Variants in BOD1L1 observed in about 807,000 individuals in gnomAD.
BOD1L1 encodes the protein biorientation of chromosomes in cell division protein 1-like 1.
Under a neutral mutation model 240.7 loss-of-function variants are expected in BOD1L1, and 86 were observed. The observed-to-expected ratio is 0.36, with a 90% CI of 0.30 to 0.43. BOD1L1 has a LOEUF of 0.43. Among genes scored for constraint, BOD1L1 ranks in the 20% least tolerant of loss-of-function variants. The probability of loss-of-function intolerance (pLI) is 1.00; values close to 1 mark genes in which losing one functional copy is unlikely to be tolerated. For missense variants in BOD1L1, 3,554 were observed against 3,643.5 expected (o/e 0.98, Z 0.63); for synonymous variants, 1,268 against 1,272.3 (o/e 1.00, Z 0.07).
At chr4:13,572,756 G>A (rs976703768) in intron 25 of BOD1L1, 2 of 1,289,786 alleles carry the variant, frequency 1.6e-6, no homozygotes, top group South Asian at 2.5e-5. Context: ...CTTCTCTTTT[G>A]CTAATTTTTG....
intron 14 of BOD1L1, 58 bp downstream of exon 14, chr4:13,590,328 C>A: frequency 1.1e-6 from 1 of 920,052 alleles, no homozygotes; most frequent in Non-Finnish European, 1.6e-6. Context: ...ATACAGACCA[C>A]ACTCAATAAA....
At chr4:13,598,858 C>T in intron 10 of BOD1L1, 88 bp downstream of exon 10, 2 of 1,339,122 alleles carry the variant, frequency 1.5e-6, no homozygotes, top group Non-Finnish European at 2.0e-6. Flanking sequence ...GGAACCAAAA[C>T]CATCTTTTGG....
intron 1 of BOD1L1, chr4:13,624,542 C>T (rs2109004195): frequency 1.3e-5 from 2 of 152,306 alleles, no homozygotes; most frequent in East Asian, 3.9e-4. Context: ...CCTCAGCCTC[C>T]CGAGTAGCTG....
At chr4:13,578,454 C>A (rs1429043348) in intron 22 of BOD1L1, among the ~76,000 whole-genome samples, 3 of 152,188 alleles carry the variant, frequency 2.0e-5, no homozygotes, top group Non-Finnish European at 4.4e-5. Context: ...GAATGCTCAA[C>A]TGGGAAATGC....
rs749072027 is a variant in BOD1L1, at chr4:13,600,885, C to T, written c.6015G>A (p.Gly2005=). 7 of 1,613,820 alleles carry T rather than the reference C, an allele frequency of 4.3e-6. No homozygotes were observed. The Admixed American group carries it at 1.0e-4, about 23-fold the overall frequency. The stretch of plus-strand genomic sequence containing the variant: ...CAGATACAAGAACATCGTAACTACC[C>T]CCGACCAGGCCAGTGGAAATAGTGG... ...EDTTISTGLV[G]GSYDVLVSGE... Residue 2005 remains glycine (G), a synonymous_variant, in exon 10 of 26, where the codon GGG becomes GGA. Transcript: ENST00000040738.
At chr4:13,595,276 G>A (rs76961710) in intron 12 of BOD1L1, among the ~76,000 whole-genome samples, 10,830 of 152,112 alleles carry the variant, frequency 0.071, 531 homozygotes, top group African/African-American at 0.14. Flanking sequence ...TGGGGTCTTC[G>A]GTAATTTTTC....
chr4:13,614,804 G>A lies in BOD1L1; in HGVS notation c.566C>T (p.Pro189Leu). Reference protein sequence around the residue: ...PDTSLITQGVPTPGPSANVAN... With the variant: ...PDTSLITQGVLTPGPSANVAN... ...TACATTAGCACTGGGCCCAGGAGTA[G>A]GAACACCTTAAAGAAAAACAGAAGT... The change falls in exon 4 of 26, where the codon CCT (proline) becomes CTT (leucine). Residue 189 changes from proline to leucine, a missense_variant. Coordinates refer to ENST00000040738, the MANE Select transcript of BOD1L1 (RefSeq NM_148894.3). The A allele has an allele frequency of 6.2e-7, 1 of 1,603,458 alleles. No individual in the cohort carries two copies. The highest frequency in any genetic ancestry group is 8.5e-7 in the Non-Finnish European group (1 of 1,175,994).
chr4:13,610,694 A>C (rs991064457), intron 6 of BOD1L1, among the ~76,000 whole-genome samples: 3 of 152,218 alleles, frequency 2.0e-5, no homozygotes, highest in African/African-American at 7.2e-5. Context: ...AAAATTCCAA[A>C]ATTTGAAACA....
At chr4:13,577,094 G>T in intron 24 of BOD1L1, 103 bp from the exon 25 acceptor site, 2 of 1,350,310 alleles carry the variant, frequency 1.5e-6, no homozygotes, top group Non-Finnish European at 2.0e-6. Context: ...GGACTTGGAG[G>T]CAGAGAAATG....
Position 13,599,723 on chromosome 4 carries a change from C to G in BOD1L1, c.7177G>C (p.Gly2393Arg), listed in dbSNP as rs1267620616. The change falls in exon 10 of 26, where the codon GGC (glycine) becomes CGC (arginine). Residue 2393 changes from glycine (G) to arginine (R), a missense_variant. Coordinates refer to ENST00000040738, the MANE Select transcript of BOD1L1 (RefSeq NM_148894.3). ...NCRCPGPVRG[G>R]KEPGPVLAVS... ...GCCAACACGGGACCCGGTTCTTTGCCTCCCCTGACTGGCCCAGGACACCGA... is the reference window on the plus strand; with the variant it reads ...GCCAACACGGGACCCGGTTCTTTGCGTCCCCTGACTGGCCCAGGACACCGA... 3 of 1,613,802 alleles carry G rather than the reference C, an allele frequency of 1.9e-6. No individual in the cohort carries two copies. Among genetic ancestry groups the G allele is most frequent in the Non-Finnish European group, 2.5e-6 (3 of 1,179,866 alleles).
In BOD1L1 at chr4:13,568,952, G is replaced by T. The variant is rs1051707098; in HGVS notation, c.*1059C>A. 4 of 152,102 alleles carry T rather than the reference G, an allele frequency of 2.6e-5. No homozygotes were observed. The highest frequency in any genetic ancestry group is 9.7e-5 in the African/African-American group (4 of 41,412). 9.4% of individuals were successfully genotyped at this position (152,102 alleles called of 1,614,324 possible). A position where few individuals can be genotyped will look rare whatever the true frequency, so the allele number is the denominator to read the frequency against. On this transcript the variant is annotated 3_prime_UTR_variant, in exon 26 of 26. Coordinates refer to ENST00000040738, the MANE Select transcript of BOD1L1 (RefSeq NM_148894.3). Reference sequence around the variant, plus strand: ...TCACATCATTGCAAGAGACAAATTTGATCGTAAGAAGTTTAATCTTATGAA... The same window carrying T: ...TCACATCATTGCAAGAGACAAATTTTATCGTAAGAAGTTTAATCTTATGAA...
At chr4:13,583,120 A>C (rs1398419966) in intron 17 of BOD1L1, among the ~76,000 whole-genome samples, 1 of 152,088 alleles carries the variant, frequency 6.6e-6, no homozygotes, top group Non-Finnish European at 1.5e-5. Context: ...AGATGTGGGG[A>C]AGCAATAATT....
intron 25 of BOD1L1, among the ~76,000 whole-genome samples, chr4:13,573,438 GTCTGTCTA>G (rs1248936655): frequency 2.2e-5 from 1 of 46,436 alleles, no homozygotes; most frequent in Non-Finnish European, 5.9e-5. Flanking sequence ...CTGTCTGTCT[GTCTGTCTA>G]TCTATCTATC....
chr4:13,591,901 C>T (rs1237947950), intron 13 of BOD1L1, 22 bp downstream of exon 13: 2 of 1,526,634 alleles, frequency 1.3e-6, no homozygotes, highest in African/African-American at 2.8e-5. Flanking sequence ...CCACAAAAAT[C>T]AAAACCATTA....
chr4:13,605,939 G>T lies in BOD1L1; in HGVS notation c.1816-855C>A, dbSNP rs554640274. On this transcript the variant is annotated intron_variant, in intron 9 of 25. Transcript: ENST00000040738. ...GGCCCTGTGGTTTGGCACTAAGTAG[G>T]CGATTAATATTAATGAGTGGAGGTT... 1.7e-3 allele frequency among the ~76,000 whole-genome samples: 265 copies of T among 152,254 alleles called. 1 individual carries two copies. Among genetic ancestry groups the T allele is most frequent in the Non-Finnish European group, 2.8e-3 (188 of 68,002 alleles).
Position 13,601,209 on chromosome 4 carries a change from CA to C in BOD1L1, c.5690del (p.Leu1897Ter). ...TGLGEESEGV[L>X]ICESAEGDSQ... ...TGTCCCCTTCTGCACTTTCACAAAT[CA>C]AGACCCCTTCACTTTCTTCTCCTAA... On this transcript the variant is annotated frameshift_variant, in exon 10 of 26. Transcript: ENST00000040738. LOFTEE classifies it high-confidence loss of function. The C allele has an allele frequency of 6.2e-7, 1 of 1,614,008 alleles. No homozygotes were observed. The highest frequency in any genetic ancestry group is 8.5e-7 in the Non-Finnish European group (1 of 1,179,900).
At chr4:13,579,855 A>C in intron 22 of BOD1L1, 73 bp downstream of exon 22, 1 of 1,297,442 alleles carries the variant, frequency 7.7e-7, no homozygotes, top group Non-Finnish European at 1.1e-6. Context: ...TGGAAGTTCC[A>C]AACCTTCTCC....
intron 22 of BOD1L1, 51 bp from the exon 23 acceptor site, chr4:13,577,682 A>T: frequency 1.5e-6 from 2 of 1,350,058 alleles, no homozygotes; most frequent in South Asian, 2.6e-5. Context: ...TGTAAATTTA[A>T]ATTTCAACAA....
intron 12 of BOD1L1, chr4:13,592,710 T>A (rs1714311186): frequency 6.6e-6 from 1 of 152,180 alleles, no homozygotes; most frequent in African/African-American, 2.4e-5. Flanking sequence ...ACTTACCAAG[T>A]CTTGGTGTGG....
Sources: allele counts gnomAD v4.1 joint callset (sites outside exome capture counted in the v4.1 genomes callset), GRCh38; gene constraint gnomAD v4.1.1; transcripts MANE v1.5; gene names NCBI Gene and HGNC (gene_info 2026-07-23, HGNC 2026-07-21).